FBXL18: variants seen among roughly 807,000 people sequenced by gnomAD.
The protein encoded by FBXL18 is F-box/LRR-repeat protein 18.
A neutral mutation model predicts 46.0 loss-of-function variants in FBXL18; 36 were observed. That is an observed-to-expected ratio of 0.78 (90% CI 0.60 to 1.03). The LOEUF (loss-of-function observed/expected upper bound fraction) is 1.03. FBXL18 is among the 50% of genes least tolerant of loss of function. The pLI is 0.00. For missense variants in FBXL18, 977 were observed against 1,004.1 expected (o/e 0.97, Z 0.36); for synonymous variants, 557 against 465.3 (o/e 1.20, Z -2.54).
intron 4 of FBXL18, among the ~76,000 whole-genome samples, chr7:5,464,676 A>AAC (rs1194463330): frequency 1.4e-5 from 2 of 143,024 alleles, no homozygotes; most frequent in African/African-American, 2.6e-5. Flanking sequence ...AAAAAAAAAA[A>AAC]AAAAAAACAC....
chr7:5,501,007 G>T lies in FBXL18; in HGVS notation c.1262C>A (p.Pro421His). The T allele has an allele frequency of 6.3e-7, 1 of 1,593,984 alleles. No individual in the cohort carries two copies. The highest frequency in any genetic ancestry group is 8.5e-7 in the Non-Finnish European group (1 of 1,172,798). ...CGCGGAGTCAGCGACAGAGCAGACA[G>T]GCAGGGAGAGGGAGCGCAGGTGACG... ...RLRHLRSLSL[P>H]VCSVADSAPR... The change falls in exon 3 of 5, where the codon CCT becomes CAT. Residue 421 changes from proline (P) to histidine (H), a missense_variant. Pro to His is a moderately conservative substitution (Grantham distance 77). Transcript: ENST00000382368.
In FBXL18 at chr7:5,480,958, T is replaced by C. The variant is rs1210550559; in HGVS notation, c.*817A>G. On this transcript the variant is annotated 3_prime_UTR_variant, in exon 5 of 5. Transcript: ENST00000382368. The stretch of plus-strand genomic sequence containing the variant: ...CCTTTCTGGGTTTTAATGTTTCGCG[T>C]TATTCTAACAAAGCCGAATGTGTAT... 1 of 151,894 alleles carries C rather than the reference T, an allele frequency of 6.6e-6. No individual in the cohort carries two copies. Among genetic ancestry groups the C allele is most frequent in the Non-Finnish European group, 1.5e-5 (1 of 67,998 alleles). 9.4% of individuals were successfully genotyped at this position (151,894 alleles called of 1,614,324 possible). A position where few individuals can be genotyped will look rare whatever the true frequency, so the allele number is the denominator to read the frequency against.
At chr7:5,460,596 G>A (rs1446549666) in intron 4 of FBXL18, among the ~76,000 whole-genome samples, 2 of 152,174 alleles carry the variant, frequency 1.3e-5, no homozygotes, top group Admixed American at 6.5e-5. Context: ...TGGGGTTACC[G>A]GCATGTGCCA....
chr7:5,465,673 G>C (rs1185414790), intron 4 of FBXL18, among the ~76,000 whole-genome samples: 2 of 152,124 alleles, frequency 1.3e-5, no homozygotes, highest in Admixed American at 1.3e-4. Flanking sequence ...TCTGGAAAAA[G>C]GGGGAGAGAG....
chr7:5,504,232 C>G (rs1022874554), intron 2 of FBXL18, among the ~76,000 whole-genome samples: 25 of 150,882 alleles, frequency 1.7e-4, no homozygotes, highest in African/African-American at 6.2e-4. Context: ...GAGTTCAAGA[C>G]CAGCCTGGCC....
At chr7:5,483,057 A>G (rs893019559) in intron 4 of FBXL18, among the ~76,000 whole-genome samples, 2 of 150,590 alleles carry the variant, frequency 1.3e-5, no homozygotes, top group Non-Finnish European at 3.0e-5. Context: ...AAAGAAAAAG[A>G]AGAAGAAAAG....
chr7:5,487,143 T>A (rs975326627), intron 4 of FBXL18, among the ~76,000 whole-genome samples: 2 of 152,160 alleles, frequency 1.3e-5, no homozygotes, highest in Non-Finnish European at 2.9e-5. Context: ...ACAGGTGCCC[T>A]GGGCTGGAAA....
chr7:5,498,275 G>T (rs992411261), intron 3 of FBXL18, among the ~76,000 whole-genome samples: 1 of 151,972 alleles, frequency 6.6e-6, no homozygotes, highest in Non-Finnish European at 1.5e-5. Context: ...TTTTAGTAGA[G>T]ACGGGTTTCA....
intron 1 of FBXL18, 137 bp downstream of exon 1, chr7:5,513,520 G>C: frequency 1.0e-6 from 1 of 985,488 alleles, no homozygotes; most frequent in Non-Finnish European, 1.6e-6. Context: ...GGCAAGGCCA[G>C]GGTCAGGATG....
At chr7:5,504,238 T>G (rs1784337751) in intron 2 of FBXL18, among the ~76,000 whole-genome samples, 1 of 151,724 alleles carries the variant, frequency 6.6e-6, no homozygotes, top group Admixed American at 6.6e-5. Flanking sequence ...AAGACCAGCC[T>G]GGCCAACATG....
intron 4 of FBXL18, among the ~76,000 whole-genome samples, chr7:5,457,125 G>A (rs1432139332): frequency 6.6e-6 from 1 of 152,196 alleles, no homozygotes; most frequent in Non-Finnish European, 1.5e-5. Context: ...CAGCTCAGAT[G>A]AGCTCAGCTC....
chr7:5,478,302 CT>C lies in FBXL18; in HGVS notation c.*3472del, dbSNP rs1339385290. On this transcript the variant is annotated 3_prime_UTR_variant, in exon 5 of 5. Transcript: ENST00000382368. ...AGGAAGCGGCCCTCACCCAGCCCCC[CT>C]GGGCTGGACGGGCCGTTGAAAACAA... 6.6e-6 allele frequency: 1 copy of C among 152,308 alleles called. No individual in the cohort carries two copies. Among genetic ancestry groups the C allele is most frequent in the Non-Finnish European group, 1.5e-5 (1 of 68,092 alleles). 9.4% of individuals were successfully genotyped at this position (152,308 alleles called of 1,614,324 possible).
intron 1 of FBXL18, 95 bp from the exon 2 acceptor site, chr7:5,505,725 C>G (rs1354922704): frequency 1.0e-6 from 1 of 981,978 alleles, no homozygotes; most frequent in African/African-American, 1.6e-5. Flanking sequence ...AAGCCCTTAT[C>G]CATGGGAAAG....
In FBXL18 at chr7:5,500,985, G is replaced by T. The variant is rs751904239; in HGVS notation, c.1284C>A (p.Ser428=). 2 of 1,560,426 alleles carry T rather than the reference G, an allele frequency of 1.3e-6. No individual in the cohort carries two copies. Among genetic ancestry groups the T allele is most frequent in the African/African-American group, 2.7e-5 (2 of 73,350 alleles). ...CGGGCGCGCGGTCGGCGCGCGGCGC[G>T]GAGTCAGCGACAGAGCAGACAGGCA... ...LSLPVCSVAD[S]APRADRAPAQ... is the part of the protein sequence containing the mutation. Residue 428 remains serine (S), a synonymous_variant, in exon 3 of 5, where the codon TCC becomes TCA. Transcript: ENST00000382368.
intron 1 of FBXL18, 126 bp downstream of exon 1, chr7:5,513,531 G>T (rs1418241000): frequency 9.2e-7 from 1 of 1,087,270 alleles, no homozygotes; most frequent in Non-Finnish European, 1.4e-6. Flanking sequence ...GGTCAGGATG[G>T]GAAGGACGGG....
chr7:5,508,247 A>T (rs1156470376), intron 1 of FBXL18, among the ~76,000 whole-genome samples: 1 of 149,922 alleles, frequency 6.7e-6, no homozygotes, highest in Admixed American at 6.7e-5. Flanking sequence ...GCCTGGTGAC[A>T]GAGCAAGACT....
chr7:5,458,166 A>T (rs1313892005), intron 4 of FBXL18, among the ~76,000 whole-genome samples: 1 of 152,046 alleles, frequency 6.6e-6, no homozygotes, highest in East Asian at 1.9e-4. Flanking sequence ...CTCAGAGCTG[A>T]TAAGGGACAG....
rs183172503 is a variant in FBXL18 at position 5,490,225 on chromosome 7, G to A, written c.2000+1006C>T. The A allele has an allele frequency of 1.7e-5, 22 of 1,331,358 alleles. No individual in the cohort carries two copies. In the East Asian group the frequency reaches 3.8e-4, roughly 23 times the overall value. The allele number at this position is 1,331,358 out of a possible 1,614,324, so 82.5% of individuals were successfully genotyped here. On this transcript the variant is annotated intron_variant, in intron 4 of 4. Transcript: ENST00000382368. ...CACCTCTCCCCACCTGCAGGGACAC[G>A]AACACTCAGGGCGTTCATGTCCTGC...
chr7:5,458,911 C>T (rs958909608), intron 4 of FBXL18, among the ~76,000 whole-genome samples: 1 of 151,940 alleles, frequency 6.6e-6, no homozygotes, highest in Non-Finnish European at 1.5e-5. Context: ...CTTTGGGAAG[C>T]CAAGTTGGGA....
Sources: allele counts gnomAD v4.1 joint callset (sites outside exome capture counted in the v4.1 genomes callset), GRCh38; gene constraint gnomAD v4.1.1; transcripts MANE v1.5; gene names NCBI Gene and HGNC (gene_info 2026-07-23, HGNC 2026-07-21).